FUT8: variants seen among roughly 807,000 people sequenced by gnomAD.
The protein encoded by FUT8 is fucosyltransferase 8.
A neutral mutation model predicts 71.3 loss-of-function variants in FUT8; 29 were observed. That is an observed-to-expected ratio of 0.41 (90% confidence interval 0.30 to 0.55). FUT8 has a LOEUF of 0.55. Among genes scored for constraint, FUT8 ranks in the 20% least tolerant of loss-of-function variants. The pLI, the probability that FUT8 is intolerant of heterozygous loss-of-function variation, is 0.34. For synonymous variants in FUT8, 254 were observed against 239.3 expected (o/e 1.06, Z -0.57); for missense variants, 544 against 702.1 (o/e 0.77, Z 2.55).
intron 7 of FUT8, among the ~76,000 whole-genome samples, chr14:65,698,796 G>A (rs892236884): frequency 9.9e-5 from 15 of 151,952 alleles, no homozygotes; most frequent in African/African-American, 2.4e-4. Context: ...ATTCAATTAC[G>A]CATTTATTTT....
At chr14:65,428,094 C>T (rs941886945) in intron 1 of FUT8, among the ~76,000 whole-genome samples, 5 of 152,196 alleles carry the variant, frequency 3.3e-5, no homozygotes, top group Admixed American at 1.3e-4. Context: ...TGTCCCCTCT[C>T]GGCCTCTGCT....
At chr14:65,601,687 A>G (rs1032678874) in intron 3 of FUT8, among the ~76,000 whole-genome samples, 1 of 152,200 alleles carries the variant, frequency 6.6e-6, no homozygotes, top group Non-Finnish European at 1.5e-5. Flanking sequence ...GACATGCTAT[A>G]TAATATTTTT....
At chr14:65,583,889 T>G (rs1489689270) in intron 3 of FUT8, among the ~76,000 whole-genome samples, 4 of 152,194 alleles carry the variant, frequency 2.6e-5, no homozygotes, top group African/African-American at 9.6e-5. Context: ...CTTTGTTTAC[T>G]TTTTTTGTGA....
At chr14:65,422,550 T>C (rs1188734738) in intron 1 of FUT8, among the ~76,000 whole-genome samples, 2 of 152,158 alleles carry the variant, frequency 1.3e-5, no homozygotes, top group Non-Finnish European at 2.9e-5. Flanking sequence ...CAGGCTGACA[T>C]GCAAATGGCA....
intron 7 of FUT8, among the ~76,000 whole-genome samples, chr14:65,687,475 T>G (rs1427426300): frequency 1.3e-5 from 2 of 152,166 alleles, no homozygotes; most frequent in Non-Finnish European, 2.9e-5. Context: ...TAAATAAAAC[T>G]TTTAAGTTTA....
intron 3 of FUT8, among the ~76,000 whole-genome samples, chr14:65,580,372 G>T (rs1386688915): frequency 1.3e-5 from 2 of 151,376 alleles, no homozygotes; most frequent in Non-Finnish European, 2.9e-5. Flanking sequence ...AATCTTGTGG[G>T]CCTACTGTTA....
intron 6 of FUT8, among the ~76,000 whole-genome samples, chr14:65,634,805 A>T (rs1476956704): frequency 6.6e-6 from 1 of 152,124 alleles, no homozygotes. Flanking sequence ...TCTTGCTTTG[A>T]CTATGCGGAC....
chr14:65,415,579 A>G lies in FUT8; in HGVS notation c.-326+2365A>G, dbSNP rs181144730. On this transcript the variant is annotated intron_variant, in intron 1 of 10. Transcript: ENST00000673929. The stretch of plus-strand genomic sequence containing the variant: ...CTTAAATTTTGTTTTTATAATAGCT[A>G]CAATCCTAAAATTTCAAAAACGAAG... 3.5e-3 allele frequency among the ~76,000 whole-genome samples: 531 copies of G among 152,242 alleles called. 2 individuals carry two copies. The highest frequency in any genetic ancestry group is 0.012 in the African/African-American group (503 of 41,562).
intron 3 of FUT8, among the ~76,000 whole-genome samples, chr14:65,587,120 C>T (rs914668023): frequency 6.7e-6 from 1 of 150,302 alleles, no homozygotes; most frequent in South Asian, 2.1e-4. Context: ...ACCCGGGAGG[C>T]GGAGCTTGCA....
At chr14:65,714,645 T>C (rs1007673303) in intron 7 of FUT8, among the ~76,000 whole-genome samples, 3 of 152,076 alleles carry the variant, frequency 2.0e-5, no homozygotes, top group Non-Finnish European at 4.4e-5. Flanking sequence ...TCATAGGGAT[T>C]GCATTGAATC....
At chr14:65,361,542 C>T in the FUT8 span, among the ~76,000 whole-genome samples, 44 of 152,084 alleles carry the variant, frequency 2.9e-4, no homozygotes, top group African/African-American at 1.0e-3. Context: ...AATCCCAGCA[C>T]TTTGGGAGGC....
In FUT8 at chr14:65,413,907, A is replaced by C. The variant is rs928621964; in HGVS notation, c.-326+693A>C. ...CGGGTGCAGCACCTGTTCTTTCTTC[A>C]CAGTGGGGATTGCAATCTTCAGAGA... On this transcript the variant is annotated intron_variant, in intron 1 of 10. Coordinates refer to ENST00000673929, the MANE Select transcript of FUT8 (RefSeq NM_001371533.1). This position sits in a 1 kb window ranked among gnomAD's most constrained non-coding sequence, Gnocchi z 4.1. Among the ~76,000 whole-genome samples, 6 of 152,106 alleles carry C rather than the reference A, an allele frequency of 3.9e-5. No homozygotes were observed. The highest frequency in any genetic ancestry group is 8.8e-5 in the Non-Finnish European group (6 of 68,032).
At position 65,559,320 on chromosome 14, in the gene FUT8, C is replaced by T. The variant is rs190904369; in HGVS notation, c.-227-2017C>T. On this transcript the variant is annotated intron_variant, in intron 2 of 10. Transcript: ENST00000673929. ...TTAGTATTCTTGATTCAGCCAACTA[C>T]AGATCAAAATATTTGCCAAAAAATA... Among the ~76,000 whole-genome samples the T allele has an allele frequency of 2.6e-5, 4 of 152,190 alleles. No homozygotes were observed. In the East Asian group the frequency reaches 7.7e-4, roughly 29 times the overall value.
the FUT8 span, among the ~76,000 whole-genome samples, chr14:65,400,894 G>A: frequency 6.6e-6 from 1 of 152,022 alleles, no homozygotes; most frequent in Admixed American, 6.6e-5. Context: ...CAAAAAAAAA[G>A]GGCTGTCTTT....
intron 2 of FUT8, among the ~76,000 whole-genome samples, chr14:65,465,513 A>G (rs1273757639): frequency 6.6e-6 from 1 of 152,130 alleles, no homozygotes; most frequent in Non-Finnish European, 1.5e-5. Context: ...TTAGTTTAAA[A>G]TATTTTATAA....
chr14:65,570,627 C>T (rs1343525519), intron 3 of FUT8, among the ~76,000 whole-genome samples: 3 of 152,004 alleles, frequency 2.0e-5, no homozygotes, highest in African/African-American at 7.2e-5. Context: ...TTGGTTCTTG[C>T]TCTTTTAATG....
chr14:65,439,384 T>TG (rs1240505842), intron 1 of FUT8, among the ~76,000 whole-genome samples: 6 of 152,174 alleles, frequency 3.9e-5, no homozygotes, highest in Admixed American at 3.9e-4. Context: ...CCTCAGAGAA[T>TG]GGACATGTAC....
intron 1 of FUT8, among the ~76,000 whole-genome samples, chr14:65,422,600 G>T (rs1257347735): frequency 6.6e-6 from 1 of 152,054 alleles, no homozygotes; most frequent in Admixed American, 6.6e-5. Context: ...CTGGACTTAG[G>T]CAGTCCTCCT....
chr14:65,656,630 G>T (rs113698263), intron 6 of FUT8, among the ~76,000 whole-genome samples: 14 of 152,086 alleles, frequency 9.2e-5, no homozygotes, highest in African/African-American at 3.4e-4. Context: ...ATAGAAAAAA[G>T]AATCTAAAAC....
Sources: gnomAD v4.1 joint callset for allele counts (sites outside exome capture counted in the v4.1 genomes callset) on GRCh38, gnomAD v4.1.1 for gene constraint, Gnocchi (gnomAD v3.1) non-coding constraint, MANE v1.5 for transcripts, NCBI Gene and HGNC (gene_info 2026-07-23, HGNC 2026-07-21) for gene names.